Variants in DSC1 observed in about 807,000 individuals in gnomAD.
DSC1 encodes desmocollin-1.
Under a neutral mutation model 98.8 loss-of-function variants are expected in DSC1, and 79 were observed. That is an observed-to-expected ratio of 0.80 (90% CI 0.67 to 0.96). DSC1 has a LOEUF of 0.96. Ranked by LOEUF, DSC1 falls within the 50% of genes least tolerant of loss-of-function variation. The probability of loss-of-function intolerance (pLI) is 0.00; values close to 1 mark genes in which losing one functional copy is unlikely to be tolerated. For missense variants in DSC1, 1,115 were observed against 1,075.9 expected (o/e 1.04, Z -0.51); for synonymous variants, 405 against 372.1 (o/e 1.09, Z -1.02).
rs1269596979 is a variant in DSC1, at chr18:31,159,338, C to T, written c.148+107G>A. 21 of 1,089,422 alleles carry T rather than the reference C, an allele frequency of 1.9e-5. No homozygotes were observed. In the South Asian group the frequency reaches 2.7e-4, roughly 14 times the overall value. The allele number at this position is 1,089,422 out of a possible 1,614,324, so 67.5% of individuals were successfully genotyped here. ...AAAGTGCTGGGATTACAGGCGTGAG[C>T]CACCGCGCCCGGCCTACTATGTGGT... On this transcript the variant is annotated intron_variant, in intron 2 of 15. Transcript: ENST00000257198.
At chr18:31,141,925 T>C (rs1988745078) in intron 9 of DSC1, 74 bp downstream of exon 9, 3 of 1,433,102 alleles carry the variant, frequency 2.1e-6, no homozygotes, top group East Asian at 4.7e-5. Context: ...CATATACATA[T>C]AAGAATTATC....
chr18:31,139,284 G>A (rs1398111745), intron 11 of DSC1, among the ~76,000 whole-genome samples: 1 of 151,972 alleles, frequency 6.6e-6, no homozygotes, highest in Non-Finnish European at 1.5e-5. Flanking sequence ...TTATAAAATA[G>A]GATAAATGAT....
intron 6 of DSC1, among the ~76,000 whole-genome samples, chr18:31,146,189 G>A (rs1227246141): frequency 6.6e-6 from 1 of 152,054 alleles, no homozygotes; most frequent in Non-Finnish European, 1.5e-5. Context: ...CACCACCCCC[G>A]TAGTGAATGT....
chr18:31,156,204 A>AT, intron 3 of DSC1, 42 bp from the exon 4 acceptor site: 1 of 1,591,030 alleles, frequency 6.3e-7, no homozygotes, highest in Non-Finnish European at 8.5e-7. Context: ...ATTGCTTATC[A>AT]TTTTTTGGAA....
intron 8 of DSC1, among the ~76,000 whole-genome samples, chr18:31,143,069 G>A (rs1988768341): frequency 6.6e-6 from 1 of 151,706 alleles, no homozygotes; most frequent in Admixed American, 6.6e-5. Flanking sequence ...TTCAGGAAAG[G>A]AGAACCATTT....
At position 31,146,650 on chromosome 18, in the gene DSC1, G is replaced by A. The variant is rs115769340; in HGVS notation, c.773-873C>T. ...ATAGTAGCTCTGTTTTTAGTTCTTTGAGTAATCTCCAAACTGCTTTCCACA... is the reference window on the plus strand; with the variant it reads ...ATAGTAGCTCTGTTTTTAGTTCTTTAAGTAATCTCCAAACTGCTTTCCACA... On this transcript the variant is annotated intron_variant, in intron 6 of 15. Transcript: ENST00000257198. Among the ~76,000 whole-genome samples the A allele has an allele frequency of 6.9e-3, 1,045 of 152,096 alleles. 13 individuals are homozygous for A. The highest frequency in any genetic ancestry group is 0.024 in the African/African-American group (1,001 of 41,486).
At chr18:31,160,773 G>C (rs1277726505) in intron 1 of DSC1, among the ~76,000 whole-genome samples, 5 of 152,084 alleles carry the variant, frequency 3.3e-5, no homozygotes, top group Non-Finnish European at 7.4e-5. Context: ...AGTATACAAT[G>C]TGGAAACAGC....
At chr18:31,154,735 T>C (rs1989061785) in intron 5 of DSC1, 39 bp downstream of exon 5, 3 of 1,501,350 alleles carry the variant, frequency 2.0e-6, no homozygotes, top group South Asian at 1.3e-5. Context: ...AAGCCAGTAA[T>C]AAAGATATAA....
At chr18:31,156,549 T>G (rs1028848406) in intron 3 of DSC1, among the ~76,000 whole-genome samples, 8 of 152,214 alleles carry the variant, frequency 5.3e-5, no homozygotes, top group African/African-American at 1.9e-4. Flanking sequence ...TATACATCTA[T>G]GTAGACACAG....
chr18:31,147,477 A>G (rs1344505287), intron 6 of DSC1, among the ~76,000 whole-genome samples: 1 of 152,140 alleles, frequency 6.6e-6, no homozygotes, highest in African/African-American at 2.4e-5. Flanking sequence ...TGAGCACAGA[A>G]AGGTTTTCCT....
intron 8 of DSC1, among the ~76,000 whole-genome samples, chr18:31,142,857 T>C (rs1988765101): frequency 6.6e-6 from 1 of 152,050 alleles, no homozygotes; most frequent in African/African-American, 2.4e-5. Context: ...TCCTTGTATA[T>C]GGTTTATTAG....
Position 31,131,755 on chromosome 18 carries a change from T to G in DSC1, c.2326A>C (p.Thr776Pro), listed in dbSNP as rs1988496035. 2.5e-6 allele frequency: 4 copies of G among 1,614,144 alleles called. No individual in the cohort carries two copies. Among genetic ancestry groups the G allele is most frequent in the Non-Finnish European group, 3.4e-6 (4 of 1,179,992 alleles). ...VGTVGGQGIK[T>P]QQSFEMVKGG... ...TTGACCATCTCAAAACTTTGCTGTG[T>G]TTTGATTCCCTGGCCACCAACAGTA... The change falls in exon 15 of 16, where the codon ACA (threonine) becomes CCA (proline). Residue 776 changes from threonine to proline, a missense_variant. Physicochemically the swap from Thr to Pro is conservative, Grantham distance 38. Coordinates refer to ENST00000257198, the MANE Select transcript of DSC1 (RefSeq NM_024421.2).
At chr18:31,142,314 A>AT (rs1988755419) in intron 8 of DSC1, 130 bp from the exon 9 acceptor site, 2 of 920,568 alleles carry the variant, frequency 2.2e-6, no homozygotes, top group Non-Finnish European at 3.1e-6. Flanking sequence ...ATGGGGAAAC[A>AT]TTTTACAAAT....
intron 6 of DSC1, among the ~76,000 whole-genome samples, chr18:31,147,555 A>T (rs1259956563): frequency 6.6e-6 from 1 of 152,114 alleles, no homozygotes; most frequent in Non-Finnish European, 1.5e-5. Flanking sequence ...TCAAGCATTT[A>T]AAAATGTTCT....
rs1031244379 is a variant in DSC1, at chr18:31,162,770, G to A, written c.-176C>T. 2.9e-5 allele frequency: 17 copies of A among 588,532 alleles called. No homozygotes were observed. Among genetic ancestry groups the A allele is most frequent in the Admixed American group, 6.1e-5 (2 of 33,016 alleles). The allele number at this position is 588,532 out of a possible 1,614,324, so 36.5% of individuals were successfully genotyped here. Reference sequence around the variant, plus strand: ...AGTGATAAACAGTAGGAGGAGCAACGGGAGAATTTCTTTCCCCCTATTCCC... The same window carrying A: ...AGTGATAAACAGTAGGAGGAGCAACAGGAGAATTTCTTTCCCCCTATTCCC... On this transcript the variant is annotated 5_prime_UTR_variant, in exon 1 of 16. Coordinates refer to ENST00000257198, the MANE Select transcript of DSC1 (RefSeq NM_024421.2).
chr18:31,134,568 A>C lies in DSC1; in HGVS notation c.1876+4T>G. 2 of 1,603,110 alleles carry C rather than the reference A, an allele frequency of 1.2e-6. No individual in the cohort carries two copies. Among genetic ancestry groups the C allele is most frequent in the South Asian group, 1.1e-5 (1 of 89,892 alleles). Reference sequence around the variant, plus strand: ...TGACTATAAAATTTAGCATGATTACATACCATCCTTTTCTTCTATGTTCCA... The same window carrying C: ...TGACTATAAAATTTAGCATGATTACCTACCATCCTTTTCTTCTATGTTCCA... On this transcript the variant is annotated splice_donor_region_variant and intron_variant, in intron 12 of 15. Coordinates refer to ENST00000257198, the MANE Select transcript of DSC1 (RefSeq NM_024421.2).
At chr18:31,159,351 C>T (rs1288161653) in intron 2 of DSC1, 94 bp downstream of exon 2, 39 of 1,301,764 alleles carry the variant, frequency 3.0e-5, no homozygotes, top group Non-Finnish European at 4.3e-5. Context: ...CCGCGCCCGG[C>T]CTACTATGTG....
chr18:31,147,977 G>T (rs1988882026), intron 6 of DSC1, among the ~76,000 whole-genome samples: 1 of 151,930 alleles, frequency 6.6e-6, no homozygotes, highest in South Asian at 2.1e-4. Context: ...ATGAATGAAT[G>T]AATGAATGAA....
intron 14 of DSC1, 35 bp from the exon 15 acceptor site, chr18:31,131,877 A>G (rs983102792): frequency 1.9e-6 from 3 of 1,607,114 alleles, no homozygotes; most frequent in Non-Finnish European, 2.6e-6. Flanking sequence ...AGTGAATTTG[A>G]AAAATGGAAA....
Sources: allele counts gnomAD v4.1 joint callset (sites outside exome capture counted in the v4.1 genomes callset), GRCh38; gene constraint gnomAD v4.1.1; transcripts MANE v1.5; gene names NCBI Gene and HGNC (gene_info 2026-07-23, HGNC 2026-07-21).